The following MCPH1 variants were observed in gnomAD, a reference collection of about 807,000 sequenced individuals.
MCPH1 encodes microcephalin.
MCPH1 carries 104 observed loss-of-function variants against 84.5 expected under a neutral mutation model. That is an observed-to-expected ratio of 1.23 (90% CI 1.05 to 1.45). The LOEUF (loss-of-function observed/expected upper bound fraction) is 1.45, where lower values mean the gene tolerates loss of function less well. Among genes scored for constraint, MCPH1 ranks in the 40% most tolerant of loss-of-function variants. The probability of loss-of-function intolerance (pLI) is 0.00; values close to 1 mark genes in which losing one functional copy is unlikely to be tolerated. For missense variants in MCPH1, 1,498 were observed against 1,005.7 expected (o/e 1.49, Z -6.62); for synonymous variants, 514 against 366.8 (o/e 1.40, Z -4.58).
rs570862772 is a variant in MCPH1, at chr8:6,582,532, C to G, written c.2215-38922C>G. On this transcript the variant is annotated intron_variant, in intron 12 of 13. Transcript: ENST00000344683. ...CACGTTCTCTTCATTGATCCTTACT[C>G]CTTTATTTTATTTTTTAATGCTATT... Among the ~76,000 whole-genome samples the G allele has an allele frequency of 7.9e-5, 12 of 152,260 alleles. No individual in the cohort carries two copies. In the South Asian group the frequency reaches 2.5e-3, roughly 32 times the overall value.
At chr8:6,475,674 A>T (rs1322022388) in intron 9 of MCPH1, among the ~76,000 whole-genome samples, 1 of 152,254 alleles carries the variant, frequency 6.6e-6, no homozygotes, top group East Asian at 1.9e-4. Flanking sequence ...AGTGTCAGGC[A>T]TAGAGCAAGA....
intron 5 of MCPH1, 98 bp from the exon 6 acceptor site, chr8:6,438,855 G>A (rs547305923): frequency 1.4e-5 from 15 of 1,104,118 alleles, no homozygotes; most frequent in Non-Finnish European, 1.9e-5. Flanking sequence ...AGGGAAGAAG[G>A]AAAACGGGGT....
At chr8:6,574,537 G>A (rs922450166) in intron 12 of MCPH1, among the ~76,000 whole-genome samples, 3 of 152,266 alleles carry the variant, frequency 2.0e-5, no homozygotes, top group Non-Finnish European at 4.4e-5. Context: ...TAACACTTAC[G>A]ATGTTTAAAG....
intron 13 of MCPH1, among the ~76,000 whole-genome samples, chr8:6,632,653 CA>C (rs1289574974): frequency 2.6e-5 from 4 of 151,876 alleles, no homozygotes; most frequent in African/African-American, 9.7e-5. Context: ...ACTAAAAATA[CA>C]AAAAATTAGC....
chr8:6,432,332 A>T (rs1254138557), intron 4 of MCPH1, among the ~76,000 whole-genome samples: 1 of 152,228 alleles, frequency 6.6e-6, no homozygotes, highest in Non-Finnish European at 1.5e-5. Context: ...ATGCTTTGTA[A>T]ATAGTTGTTA....
rs531363498 is a variant in MCPH1, at chr8:6,433,610, G to T, written c.321+2024G>T. 5.9e-5 allele frequency among the ~76,000 whole-genome samples: 8 copies of T among 134,820 alleles called. No individual in the cohort carries two copies. In the Admixed American group the frequency reaches 6.3e-4, roughly 11 times the overall value. 88.4% of individuals were successfully genotyped at this position (134,820 alleles called of 152,430 possible). ...ATCATGCCACTGCACTCCAGCCTGG[G>T]CGACAGCAAGGCTCTGTCTCAAAAA... On this transcript the variant is annotated intron_variant, in intron 4 of 13. Coordinates refer to ENST00000344683, the MANE Select transcript of MCPH1 (RefSeq NM_024596.5).
intron 13 of MCPH1, chr8:6,627,372 C>A (rs1796816451): frequency 1.2e-6 from 1 of 837,022 alleles, no homozygotes; most frequent in Non-Finnish European, 1.4e-6. Flanking sequence ...CCCCTCTCCT[C>A]CAAGGACGGC....
intron 9 of MCPH1, among the ~76,000 whole-genome samples, chr8:6,462,102 C>T (rs1334054582): frequency 6.6e-6 from 1 of 152,178 alleles, no homozygotes; most frequent in African/African-American, 2.4e-5. Flanking sequence ...AGAGGCTTTC[C>T]TAAGCCTGGA....
intron 11 of MCPH1, among the ~76,000 whole-genome samples, chr8:6,483,878 AGAG>A (rs1316281399): frequency 6.6e-6 from 1 of 152,060 alleles, no homozygotes; most frequent in Non-Finnish European, 1.5e-5. Context: ...AAAGAAAAGG[AGAG>A]GAGAGGAGGA....
At chr8:6,409,095 C>T (rs544704580) in intron 1 of MCPH1, among the ~76,000 whole-genome samples, 184 bp from the exon 2 acceptor site, 2 of 152,060 alleles carry the variant, frequency 1.3e-5, no homozygotes, top group Non-Finnish European at 2.9e-5. Context: ...CCATGTTGGC[C>T]CGGCTGGTCT....
chr8:6,485,373 G>A (rs974273065), intron 11 of MCPH1, among the ~76,000 whole-genome samples: 1 of 151,968 alleles, frequency 6.6e-6, no homozygotes, highest in Admixed American at 6.6e-5. Flanking sequence ...TCCAAATGGA[G>A]ATGTTTGAGC....
chr8:6,426,072 A>G (rs910762760), intron 3 of MCPH1, among the ~76,000 whole-genome samples: 8 of 152,218 alleles, frequency 5.3e-5, no homozygotes, highest in African/African-American at 1.7e-4. Context: ...GCACAGTTAA[A>G]AAACATTTCC....
rs932696470 is a variant in MCPH1 at position 6,648,034 on chromosome 8, A to G, written c.*4985A>G. On this transcript the variant is annotated 3_prime_UTR_variant, in exon 14 of 14. Transcript: ENST00000344683. ...CTCTTCCACAGCAATGAGTGCAGGT[A>G]GCTAACACTGACCAACCTGCATCTG... is the stretch of plus-strand genomic sequence containing the variant. 9 of 152,222 alleles carry G rather than the reference A, an allele frequency of 5.9e-5. No individual in the cohort carries two copies. Among genetic ancestry groups the G allele is most frequent in the African/African-American group, 1.7e-4 (7 of 41,456 alleles). 9.4% of individuals were successfully genotyped at this position (152,222 alleles called of 1,614,324 possible).
chr8:6,410,410 G>T (rs754555965), intron 2 of MCPH1, among the ~76,000 whole-genome samples: 3 of 152,176 alleles, frequency 2.0e-5, no homozygotes, highest in Non-Finnish European at 4.4e-5. Flanking sequence ...GGTCATTGCT[G>T]AACTTAGTGC....
intron 6 of MCPH1, among the ~76,000 whole-genome samples, chr8:6,441,631 G>C (rs374617227): frequency 1.3e-5 from 2 of 152,244 alleles, no homozygotes; most frequent in East Asian, 3.9e-4. Flanking sequence ...TTCTTTGTTG[G>C]GGGCACTGCC....
chr8:6,539,141 G>A (rs1304847925), intron 12 of MCPH1, among the ~76,000 whole-genome samples: 2 of 152,228 alleles, frequency 1.3e-5, no homozygotes, highest in African/African-American at 2.4e-5. Flanking sequence ...GCTGGGAGAT[G>A]CGGATTTTGG....
At chr8:6,412,415 T>A (rs1177535342) in intron 2 of MCPH1, among the ~76,000 whole-genome samples, 1 of 152,220 alleles carries the variant, frequency 6.6e-6, no homozygotes, top group Non-Finnish European at 1.5e-5. Context: ...GGCAAACAGT[T>A]CAAAGAATAG....
chr8:6,633,053 GAATA>G (rs1479148143), intron 13 of MCPH1, among the ~76,000 whole-genome samples: 3 of 151,426 alleles, frequency 2.0e-5, no homozygotes, highest in Non-Finnish European at 4.4e-5. Flanking sequence ...CAGAAACCAG[GAATA>G]GATAACTTTC....
intron 12 of MCPH1, among the ~76,000 whole-genome samples, chr8:6,620,784 G>A (rs1831330599): frequency 6.6e-6 from 1 of 152,114 alleles, no homozygotes; most frequent in Admixed American, 6.5e-5. Flanking sequence ...TCAAACAGAT[G>A]ACCACACATT....
Sources: allele counts gnomAD v4.1 joint callset (sites outside exome capture counted in the v4.1 genomes callset), GRCh38; gene constraint gnomAD v4.1.1; transcripts MANE v1.5; gene names NCBI Gene and HGNC (gene_info 2026-07-23, HGNC 2026-07-21).